FHIP2A: variants seen among roughly 807,000 people sequenced by gnomAD.
FHIP2A encodes FHF complex subunit HOOK interacting protein 2A, also known as family with sequence similarity 160 member B1.
A neutral mutation model predicts 93.5 loss-of-function variants in FHIP2A; 46 were observed. The observed-to-expected ratio is 0.49, with a 90% CI of 0.39 to 0.63. FHIP2A has a LOEUF of 0.63. FHIP2A is among the 20% of genes least tolerant of loss of function. The pLI is 0.00. For missense variants in FHIP2A, 769 were observed against 909.7 expected (o/e 0.85, Z 1.99); for synonymous variants, 332 against 326.5 (o/e 1.02, Z -0.18).
chr10:114,890,654 CG>C (rs1285846381), intron 16 of FHIP2A, among the ~76,000 whole-genome samples: 4 of 143,458 alleles, frequency 2.8e-5, no homozygotes, highest in African/African-American at 7.8e-5. Context: ...ATGACATATA[CG>C]GTATATAAAA....
intron 6 of FHIP2A, 37 bp from the exon 7 acceptor site, chr10:114,843,704 A>G (rs2083683153): frequency 3.5e-6 from 5 of 1,440,638 alleles, no homozygotes; most frequent in Non-Finnish European, 4.6e-6. Flanking sequence ...ATGTATATAC[A>G]ATTCAAGAAT....
At chr10:114,845,924 C>T in intron 8 of FHIP2A, 89 bp from the exon 9 acceptor site, 2 of 994,632 alleles carry the variant, frequency 2.0e-6, no homozygotes, top group Non-Finnish European at 3.0e-6. Flanking sequence ...CACATTAATT[C>T]AGTTGGGAGT....
At chr10:114,869,931 G>A (rs1305797776) in intron 16 of FHIP2A, among the ~76,000 whole-genome samples, 2 of 152,100 alleles carry the variant, frequency 1.3e-5, no homozygotes, top group African/African-American at 4.8e-5. Context: ...GTCAGAAATT[G>A]CTGATATACA....
chr10:114,843,823 C>T lies in FHIP2A; in HGVS notation c.899C>T (p.Thr300Ile). The T allele has an allele frequency of 6.2e-7, 1 of 1,611,384 alleles. No homozygotes were observed. The highest frequency in any genetic ancestry group is 8.5e-7 in the Non-Finnish European group (1 of 1,179,374). Residue 300 changes from threonine to isoleucine, a missense_variant, in exon 7 of 17, where the codon ACA becomes ATA. Thr to Ile is a moderately conservative substitution (Grantham distance 89). Transcript: ENST00000369248. ...LPEPAAAKCL[T>I]QSTCLCELLT... ...GAGCCTGCGGCTGCAAAGTGCCTTA[C>T]ACAGAGCACTTGCTTGTGTGAACTA...
chr10:114,866,564 C>A (rs2083830256), downstream of FHIP2A, among the ~76,000 whole-genome samples: 1 of 152,126 alleles, frequency 6.6e-6, no homozygotes, highest in Non-Finnish European at 1.5e-5. Flanking sequence ...ATCCACAAAC[C>A]AAACAAGAAT....
intron 16 of FHIP2A, among the ~76,000 whole-genome samples, chr10:114,883,411 T>G (rs1053746736): frequency 2.6e-5 from 4 of 152,082 alleles, no homozygotes; most frequent in Non-Finnish European, 5.9e-5. Context: ...TAGAACATCC[T>G]CCCCTCACAA....
At chr10:114,836,101 G>C (rs890348005) in intron 4 of FHIP2A, 23 bp from the exon 5 acceptor site, 4 of 1,535,648 alleles carry the variant, frequency 2.6e-6, no homozygotes, top group Non-Finnish European at 3.5e-6. Context: ...AGTTTAAAAA[G>C]TTAAAAACAA....
chr10:114,840,641 T>G (rs2083663445), intron 5 of FHIP2A, among the ~76,000 whole-genome samples: 1 of 152,192 alleles, frequency 6.6e-6, no homozygotes, highest in Non-Finnish European at 1.5e-5. Flanking sequence ...ATGCGTAACT[T>G]CAGACTAGAG....
At chr10:114,842,287 A>G (rs1839864231) in intron 5 of FHIP2A, among the ~76,000 whole-genome samples, 1 of 152,032 alleles carries the variant, frequency 6.6e-6, no homozygotes, top group Admixed American at 6.6e-5. Flanking sequence ...CTAGTCTCGA[A>G]TTCCTGGGCT....
intron 16 of FHIP2A, among the ~76,000 whole-genome samples, chr10:114,895,260 C>G (rs1324221781): frequency 6.6e-6 from 1 of 152,110 alleles, no homozygotes; most frequent in Non-Finnish European, 1.5e-5. Context: ...TGAGCCATTT[C>G]CCAAAATGAC....
intron 1 of FHIP2A, among the ~76,000 whole-genome samples, chr10:114,828,017 T>A (rs78118797): frequency 6.8e-6 from 1 of 147,494 alleles, no homozygotes; most frequent in Non-Finnish European, 1.5e-5. Context: ...TTTTTTTTTT[T>A]AACTCAGAGC....
At chr10:114,853,625 G>T (rs974037900) in intron 13 of FHIP2A, among the ~76,000 whole-genome samples, 3 of 152,142 alleles carry the variant, frequency 2.0e-5, no homozygotes, top group African/African-American at 4.8e-5. Flanking sequence ...AATTGTTTCA[G>T]AAATATTAGA....
chr10:114,842,307 C>G (rs942482785), intron 5 of FHIP2A, among the ~76,000 whole-genome samples: 2 of 152,050 alleles, frequency 1.3e-5, no homozygotes, highest in African/African-American at 4.8e-5. Flanking sequence ...TCAAGTGATC[C>G]TCCTGCCCCG....
At chr10:114,879,342 TC>T (rs1410278793) in intron 16 of FHIP2A, among the ~76,000 whole-genome samples, 3 of 152,120 alleles carry the variant, frequency 2.0e-5, no homozygotes, top group African/African-American at 7.2e-5. Context: ...CTATTTTACC[TC>T]CCTCCCTTGG....
intron 1 of FHIP2A, among the ~76,000 whole-genome samples, chr10:114,827,796 C>CAAAAA (rs1193460267): frequency 2.4e-5 from 2 of 84,102 alleles, no homozygotes; most frequent in African/African-American, 4.9e-5. Context: ...GACTCCATCT[C>CAAAAA]AAAAAAAAAA....
At position 114,863,052 on chromosome 10, in the gene FHIP2A, G is replaced by C. The variant is rs999856957; in HGVS notation, c.*1512G>C. 7.4e-5 allele frequency: 73 copies of C among 984,562 alleles called. No homozygotes were observed. Among genetic ancestry groups the C allele is most frequent in the Non-Finnish European group, 8.3e-5 (69 of 829,288 alleles). The allele number at this position is 984,562 out of a possible 1,614,324, so 61.0% of individuals were successfully genotyped here. A position where few individuals can be genotyped will look rare whatever the true frequency, so the allele number is the denominator to read the frequency against. Reference sequence around the variant, plus strand: ...TAAGAACAGAATATCAAAAGATTATGAATAGCCTCAGCTCTAGAATGCTTA... The same window carrying C: ...TAAGAACAGAATATCAAAAGATTATCAATAGCCTCAGCTCTAGAATGCTTA... On this transcript the variant is annotated 3_prime_UTR_variant, in exon 17 of 17. Transcript: ENST00000369248.
chr10:114,885,030 A>G (rs1019744691), intron 16 of FHIP2A, among the ~76,000 whole-genome samples: 1 of 152,150 alleles, frequency 6.6e-6, no homozygotes, highest in Non-Finnish European at 1.5e-5. Flanking sequence ...GCATTTCCCT[A>G]TAAGAATATC....
At chr10:114,838,908 G>T (rs529742304) in intron 5 of FHIP2A, among the ~76,000 whole-genome samples, 1 of 152,082 alleles carries the variant, frequency 6.6e-6, no homozygotes, top group Non-Finnish European at 1.5e-5. Flanking sequence ...TAACGAATAG[G>T]ACTATTCATA....
Position 114,876,087 on chromosome 10 carries a change from C to T in FHIP2A, c.2192+14753C>T, listed in dbSNP as rs571465948. On this transcript the variant is annotated intron_variant, in intron 16 of 16. Coordinates refer to the FHIP2A transcript ENST00000369250. ...GACTGAGGAGGAAGCAGAAGAGACC[C>T]GGGGCCCCCACCCTCCCGCTCACCA... Among the ~76,000 whole-genome samples, 3 of 152,220 alleles carry T rather than the reference C, an allele frequency of 2.0e-5. No homozygotes were observed. In the East Asian group the frequency reaches 5.8e-4, roughly 29 times the overall value.
Sources: allele counts gnomAD v4.1 joint callset (sites outside exome capture counted in the v4.1 genomes callset), GRCh38; gene constraint gnomAD v4.1.1; transcripts MANE v1.5; gene names NCBI Gene and HGNC (gene_info 2026-07-23, HGNC 2026-07-21).